AMTN: variants seen among roughly 807,000 people sequenced by gnomAD.
The protein encoded by AMTN is RSTI689.
In AMTN, 29 loss-of-function variants were observed where a neutral mutation model predicts 27.4. That is an observed-to-expected ratio of 1.06 (90% CI 0.79 to 1.44). AMTN has a LOEUF of 1.44. Among genes scored for constraint, AMTN ranks in the 40% most tolerant of loss-of-function variants. AMTN has a pLI of 0.00. For missense variants in AMTN, 247 were observed against 248.8 expected (o/e 0.99, Z 0.05); for synonymous variants, 86 against 95.7 (o/e 0.90, Z 0.59).
At chr4:70,530,341 A>G (rs1338042402) in intron 7 of AMTN, among the ~76,000 whole-genome samples, 2 of 151,990 alleles carry the variant, frequency 1.3e-5, no homozygotes, top group Non-Finnish European at 2.9e-5. Context: ...CACCTTTTTT[A>G]CTTCAAAACT....
intron 2 of AMTN, among the ~76,000 whole-genome samples, chr4:70,521,611 A>G (rs1026273691): frequency 2.2e-5 from 3 of 137,958 alleles, no homozygotes; most frequent in African/African-American, 8.0e-5. Flanking sequence ...GCTGAAAGGG[A>G]CCTCCTAGAA....
At chr4:70,530,284 C>A (rs2109775208) in intron 7 of AMTN, among the ~76,000 whole-genome samples, 1 of 152,164 alleles carries the variant, frequency 6.6e-6, no homozygotes, top group East Asian at 1.9e-4. Context: ...ATATAGAATG[C>A]ACTACTAGTC....
In AMTN at chr4:70,518,671, A is replaced by T; in HGVS notation, c.-16+17A>T. ...GACCCAAAGGTAACATTAATTGACC[A>T]TGTTTCAAGTAGAACTTTTGTTTTT... On this transcript the variant is annotated intron_variant, in intron 1 of 8. Coordinates refer to ENST00000339336, the MANE Select transcript of AMTN (RefSeq NM_212557.4). 1 of 883,282 alleles carries T rather than the reference A, an allele frequency of 1.1e-6. No homozygotes were observed. Among genetic ancestry groups the T allele is most frequent in the East Asian group, 2.5e-5 (1 of 40,376 alleles). The allele number at this position is 883,282 out of a possible 1,614,324, so 54.7% of individuals were successfully genotyped here.
At chr4:70,530,688 A>C (rs1736201293) in intron 7 of AMTN, among the ~76,000 whole-genome samples, 1 of 152,244 alleles carries the variant, frequency 6.6e-6, no homozygotes, top group African/African-American at 2.4e-5. Context: ...ACATCAAAAA[A>C]ACTTGAAGGG....
rs78779888 is a variant in AMTN, at chr4:70,523,205, A to G, written c.138+367A>G. 2.0e-5 allele frequency among the ~76,000 whole-genome samples: 3 copies of G among 152,316 alleles called. No homozygotes were observed. In the East Asian group the frequency reaches 5.8e-4, roughly 29 times the overall value. ...TTATCATATGCAGTATTTGCCAGCA[A>G]TAGCAGGGAATCAGAGATGATCTAT... On this transcript the variant is annotated intron_variant, in intron 3 of 8. Transcript: ENST00000339336.
chr4:70,524,721 T>G, intron 4 of AMTN, 151 bp from the exon 5 acceptor site: 1 of 721,358 alleles, frequency 1.4e-6, no homozygotes, highest in Non-Finnish European at 2.4e-6. Context: ...AATTTCATCT[T>G]TGTGTCTAAG....
chr4:70,524,860 C>G lies in AMTN; in HGVS notation c.205-12C>G, dbSNP rs1295755435. The G allele has an allele frequency of 6.2e-7, 1 of 1,612,500 alleles. No individual in the cohort carries two copies. Among genetic ancestry groups the G allele is most frequent in the African/African-American group, 1.3e-5 (1 of 74,874 alleles). On this transcript the variant is annotated splice_polypyrimidine_tract_variant and intron_variant, in intron 4 of 8. Coordinates refer to ENST00000339336, the MANE Select transcript of AMTN (RefSeq NM_212557.4). Reference sequence around the variant, plus strand: ...AAAAAATACAATGAAAGTCTTCTTCCTTGCCCTACAGTTAAATCCTGCTGC... The same window carrying G: ...AAAAAATACAATGAAAGTCTTCTTCGTTGCCCTACAGTTAAATCCTGCTGC...
In AMTN at chr4:70,532,547, G is replaced by C. The variant is rs1162404323; in HGVS notation, c.*82G>C. The C allele has an allele frequency of 8.0e-7, 1 of 1,251,892 alleles. No homozygotes were observed. Among genetic ancestry groups the C allele is most frequent in the Non-Finnish European group, 1.1e-6 (1 of 869,708 alleles). The allele number at this position is 1,251,892 out of a possible 1,614,324, so 77.5% of individuals were successfully genotyped here. A position where few individuals can be genotyped will look rare whatever the true frequency, so the allele number is the denominator to read the frequency against. ...TTATCATTGATTATATTATGGAATAGATTGAGACACATTGGATAGTCTTAG... is the reference window on the plus strand; with the variant it reads ...TTATCATTGATTATATTATGGAATACATTGAGACACATTGGATAGTCTTAG... On this transcript the variant is annotated 3_prime_UTR_variant, in exon 9 of 9. Transcript: ENST00000339336.
intron 2 of AMTN, among the ~76,000 whole-genome samples, chr4:70,520,853 C>G (rs543803453): frequency 4.2e-4 from 64 of 152,212 alleles, no homozygotes; most frequent in African/African-American, 1.5e-3. Context: ...AGTAAAGAAA[C>G]AGGTGAGAGA....
intron 5 of AMTN, among the ~76,000 whole-genome samples, chr4:70,528,197 T>A (rs1297138704): frequency 6.7e-6 from 1 of 149,040 alleles, no homozygotes; most frequent in Non-Finnish European, 1.5e-5. Flanking sequence ...ATCTTCTAAA[T>A]GTGCTATCTT....
chr4:70,531,919 G>A (rs191182692), intron 8 of AMTN, among the ~76,000 whole-genome samples: 1 of 152,360 alleles, frequency 6.6e-6, no homozygotes, highest in East Asian at 1.9e-4. Context: ...GCCTCCCAAA[G>A]AGCTGGGATT....
intron 4 of AMTN, among the ~76,000 whole-genome samples, chr4:70,524,394 A>G (rs1410513620): frequency 5.3e-5 from 8 of 152,226 alleles, no homozygotes; most frequent in Admixed American, 2.0e-4. Flanking sequence ...GAGAAGAACA[A>G]TAAGTTTCTT....
At chr4:70,526,205 A>G (rs1736095969) in intron 5 of AMTN, among the ~76,000 whole-genome samples, 1 of 152,216 alleles carries the variant, frequency 6.6e-6, no homozygotes, top group Non-Finnish European at 1.5e-5. Flanking sequence ...ATGTCCTTCC[A>G]GTCTTTTTTC....
chr4:70,525,012 C>T, intron 5 of AMTN, 51 bp downstream of exon 5: 2 of 1,534,850 alleles, frequency 1.3e-6, no homozygotes, highest in Non-Finnish European at 1.8e-6. Flanking sequence ...CATTTTCTCT[C>T]AGGTGAAAGC....
chr4:70,524,997 G>A, intron 5 of AMTN, 36 bp downstream of exon 5: 1 of 1,584,466 alleles, frequency 6.3e-7, no homozygotes, highest in Non-Finnish European at 8.6e-7. Flanking sequence ...TTTAACATTA[G>A]AGAGCATTTT....
intron 2 of AMTN, among the ~76,000 whole-genome samples, chr4:70,519,926 GTGTGTGTC>G (rs1295752543): frequency 2.7e-5 from 4 of 149,414 alleles, no homozygotes; most frequent in African/African-American, 1.0e-4. Flanking sequence ...GTGTGTGTGT[GTGTGTGTC>G]TGTGTGTGTG....
intron 1 of AMTN, 25 bp from the exon 2 acceptor site, chr4:70,518,738 G>C (rs1475228773): frequency 2.2e-5 from 32 of 1,431,554 alleles, no homozygotes; most frequent in African/African-American, 4.7e-5. Flanking sequence ...ATACATGGAA[G>C]AGTAACACTT....
intron 5 of AMTN, among the ~76,000 whole-genome samples, chr4:70,525,214 A>G (rs1736075915): frequency 6.6e-6 from 1 of 152,238 alleles, no homozygotes; most frequent in South Asian, 2.1e-4. Context: ...AACCTTGAAA[A>G]GTTGGGGAAG....
chr4:70,523,805 C>T, intron 3 of AMTN, 63 bp from the exon 4 acceptor site: 1 of 1,388,998 alleles, frequency 7.2e-7, no homozygotes, highest in Non-Finnish European at 1.0e-6. Flanking sequence ...GGATATCCAC[C>T]ACTGACAGAG....
Sources: gnomAD v4.1 joint callset for allele counts (sites outside exome capture counted in the v4.1 genomes callset) on GRCh38, gnomAD v4.1.1 for gene constraint, MANE v1.5 for transcripts, NCBI Gene and HGNC (gene_info 2026-07-23, HGNC 2026-07-21) for gene names.